The following ZNF33A variants were observed in gnomAD, a reference collection of about 807,000 sequenced individuals.
The protein encoded by ZNF33A is zinc finger protein 33A.
A neutral mutation model predicts 15.9 loss-of-function variants in ZNF33A; 9 were observed. The ratio of observed to expected loss-of-function variants is 0.57; its 90% CI spans 0.34 to 0.99. ZNF33A has a LOEUF of 0.99. Ranked by LOEUF, ZNF33A falls within the 50% of genes least tolerant of loss-of-function variation. The pLI, the probability that ZNF33A is intolerant of heterozygous loss-of-function variation, is 0.02. For synonymous variants in ZNF33A, 294 were observed against 324.2 expected, an observed-to-expected ratio of 0.91 and a Z score of 1.00; for missense variants, 843 against 941.6, an observed-to-expected ratio of 0.90 and a Z score of 1.37.
downstream of ZNF33A, among the ~76,000 whole-genome samples, chr10:38,066,912 A>G (rs1375386377): frequency 6.6e-6 from 1 of 152,154 alleles, no homozygotes; most frequent in African/African-American, 2.4e-5. Context: ...AGCCTGGGTG[A>G]TAGAGTGAGA....
At chr10:38,010,657 T>C (rs1218490686), upstream of ZNF33A, 1 of 1,558,772 alleles carries the variant, frequency 6.4e-7, no homozygotes, top group South Asian at 1.1e-5. Context: ...GCATGCCTCG[T>C]CCGCCGGCTA....
intron 2 of ZNF33A, chr10:38,015,876 G>A (rs1450843623): frequency 1.2e-5 from 7 of 575,408 alleles, no homozygotes; most frequent in Middle Eastern, 5.1e-4. Context: ...GTCCTTTGTC[G>A]TTCTCAGTAG....
intron 1 of ZNF33A, 80 bp from the exon 2 acceptor site, chr10:38,012,218 G>A: frequency 6.9e-7 from 1 of 1,458,552 alleles, no homozygotes; most frequent in East Asian, 2.3e-5. Flanking sequence ...GGGTGTGTAT[G>A]GCTTCTTAGG....
intron 4 of ZNF33A, among the ~76,000 whole-genome samples, chr10:38,049,502 A>T (rs567804762): frequency 6.6e-6 from 1 of 152,140 alleles, no homozygotes; most frequent in Non-Finnish European, 1.5e-5. Context: ...AAATGCATAT[A>T]TGAAGTTTCT....
intron 4 of ZNF33A, among the ~76,000 whole-genome samples, chr10:38,032,212 A>G (rs2065243862): frequency 6.6e-6 from 1 of 152,194 alleles, no homozygotes; most frequent in Admixed American, 6.6e-5. Flanking sequence ...TAAATGTTAC[A>G]CAGAAGTGAT....
chr10:38,051,758 C>T lies in ZNF33A; in HGVS notation c.251-2617C>T, dbSNP rs184826194. 2.4e-3 allele frequency among the ~76,000 whole-genome samples: 369 copies of T among 152,072 alleles called. 2 individuals are homozygous for T. The highest frequency in any genetic ancestry group is 0.017 in the Middle Eastern group (5 of 294). On this transcript the variant is annotated intron_variant, in intron 4 of 4. Coordinates refer to ENST00000432900, the MANE Select transcript of ZNF33A (RefSeq NM_006954.2). ...AAAGCATAATTTATTTTACCTTTTACTATACTTCTTTTTATACATTCTGAG... is the reference window on the plus strand; with the variant it reads ...AAAGCATAATTTATTTTACCTTTTATTATACTTCTTTTTATACATTCTGAG...
In ZNF33A at chr10:38,055,865, T is replaced by G. The variant is rs1198295016; in HGVS notation, c.1741T>G (p.Tyr581Asp). Residue 581 changes from tyrosine to aspartate, a missense_variant, in exon 5 of 5, where the codon TAC becomes GAC. Coordinates refer to ENST00000432900, the MANE Select transcript of ZNF33A (RefSeq NM_006954.2). ...TAGAACACACACAGGGGAGAAACCC[T>G]ACGAATGTCATGAATGTGGAAAAAT... is the stretch of plus-strand genomic sequence containing the variant. ...HYRTHTGEKP[Y>D]ECHECGKIFY... 2.4e-5 allele frequency: 39 copies of G among 1,614,112 alleles called. No homozygotes were observed. Among genetic ancestry groups the G allele is most frequent in the Non-Finnish European group, 3.2e-5 (38 of 1,179,994 alleles).
intron 4 of ZNF33A, among the ~76,000 whole-genome samples, chr10:38,030,281 G>T (rs2065156215): frequency 6.6e-6 from 1 of 152,160 alleles, no homozygotes; most frequent in African/African-American, 2.4e-5. Flanking sequence ...AAAAACTTAT[G>T]TTCCATCAAA....
Position 38,055,623 on chromosome 10 carries a change from AT to A in ZNF33A, c.1500del (p.Asn500LysfsTer18). The A allele has an allele frequency of 6.2e-7, 1 of 1,614,124 alleles. No individual in the cohort carries two copies. The highest frequency in any genetic ancestry group is 8.5e-7 in the Non-Finnish European group (1 of 1,179,992). ...IHIGDKSYEC[N>X]ACGKTFYHKS... ...ATAGGAGATAAATCTTATGAATGTAATGCATGTGGGAAAACTTTCTACCACA... is the reference window on the plus strand; with the variant it reads ...ATAGGAGATAAATCTTATGAATGTAAGCATGTGGGAAAACTTTCTACCACA... On this transcript the variant is annotated frameshift_variant, in exon 5 of 5. Coordinates refer to ENST00000432900, the MANE Select transcript of ZNF33A (RefSeq NM_006954.2). LOFTEE classifies it low-confidence loss of function (END_TRUNC).
At chr10:38,061,983 T>C (rs1465375086), downstream of ZNF33A, among the ~76,000 whole-genome samples, 1 of 152,074 alleles carries the variant, frequency 6.6e-6, no homozygotes. Flanking sequence ...AAACAAGTCA[T>C]GTTGAAACTG....
Position 38,039,192 on chromosome 10 carries a change from T to TG in ZNF33A, c.251-15183_251-15182insG, listed in dbSNP as rs554384418. ...GTGAACCCTTATGGACCTGGGTTTT[T>TG]TTTTTGTTTTTGTAATGGGAAGTTT... On this transcript the variant is annotated intron_variant, in intron 4 of 4. Transcript: ENST00000432900. Among the ~76,000 whole-genome samples the TG allele has an allele frequency of 7.3e-5, 11 of 151,662 alleles. 1 individual carries two copies. In the East Asian group the frequency reaches 2.1e-3, roughly 29 times the overall value.
chr10:38,050,102 A>G (rs569906378), intron 4 of ZNF33A, among the ~76,000 whole-genome samples: 3 of 152,340 alleles, frequency 2.0e-5, no homozygotes, highest in South Asian at 4.1e-4. Flanking sequence ...TACCACTTCT[A>G]TACAGACTTT....
At chr10:38,010,647 G>A, upstream of ZNF33A, 3 of 1,497,584 alleles carry the variant, frequency 2.0e-6, no homozygotes, top group South Asian at 1.1e-5. Flanking sequence ...TGGGCTCTGC[G>A]CATGCCTCGT....
intron 4 of ZNF33A, among the ~76,000 whole-genome samples, chr10:38,020,004 A>T (rs1315307014): frequency 6.6e-6 from 1 of 152,198 alleles, no homozygotes; most frequent in African/African-American, 2.4e-5. Flanking sequence ...TAAGTTACAT[A>T]TGTACATTTT....
At chr10:38,023,186 T>C (rs909141572) in intron 4 of ZNF33A, among the ~76,000 whole-genome samples, 2 of 152,170 alleles carry the variant, frequency 1.3e-5, no homozygotes, top group African/African-American at 4.8e-5. Flanking sequence ...CCTCATGATC[T>C]GTCCACGTTG....
chr10:38,038,958 A>G (rs989522757), intron 4 of ZNF33A, among the ~76,000 whole-genome samples: 8 of 152,280 alleles, frequency 5.3e-5, no homozygotes, highest in Non-Finnish European at 1.2e-4. Context: ...CCCTTTTTAT[A>G]TACTACTGGA....
intron 4 of ZNF33A, among the ~76,000 whole-genome samples, chr10:38,035,802 A>T (rs1296828724): frequency 6.6e-6 from 1 of 152,224 alleles, no homozygotes; most frequent in Non-Finnish European, 1.5e-5. Context: ...AGTTAAAGAA[A>T]TTGAATCCAT....
intron 2 of ZNF33A, among the ~76,000 whole-genome samples, chr10:38,012,858 C>A (rs1003833408): frequency 1.3e-5 from 2 of 152,142 alleles, no homozygotes; most frequent in African/African-American, 4.8e-5. Context: ...ATGTTTCTTA[C>A]GTTTCCAACA....
chr10:38,058,651 G>A lies in ZNF33A; in HGVS notation c.*2091G>A, dbSNP rs2066584050. The A allele has an allele frequency of 6.6e-6, 1 of 152,206 alleles. No individual in the cohort carries two copies. Among genetic ancestry groups the A allele is most frequent in the South Asian group, 2.1e-4 (1 of 4,832 alleles). The allele number at this position is 152,206 out of a possible 1,614,324, so 9.4% of individuals were successfully genotyped here. On this transcript the variant is annotated 3_prime_UTR_variant, in exon 5 of 5. Coordinates refer to ENST00000432900, the MANE Select transcript of ZNF33A (RefSeq NM_006954.2). The stretch of plus-strand genomic sequence containing the variant: ...CTGGGCATGGTGGCATGCGTGTGTA[G>A]TCGAAGCTACTCAGGAGGCTGAGGC...
Sources: allele counts gnomAD v4.1 joint callset (sites outside exome capture counted in the v4.1 genomes callset), GRCh38; gene constraint gnomAD v4.1.1; transcripts MANE v1.5; gene names NCBI Gene and HGNC (gene_info 2026-07-23, HGNC 2026-07-21).